The following DISP1 variants were observed in gnomAD, a reference collection of about 807,000 sequenced individuals.
The protein encoded by DISP1 is dispatched RND transporter family member 1, also known as protein dispatched homolog 1.
In DISP1, 30 loss-of-function variants were observed where a neutral mutation model predicts 37.3. That is an observed-to-expected ratio of 0.80 (90% CI 0.60 to 1.09). The LOEUF is 1.09. Ranked by LOEUF, DISP1 falls within the 50% of genes least tolerant of loss-of-function variation. The pLI, the probability that DISP1 is intolerant of heterozygous loss-of-function variation, is 0.00. For synonymous variants in DISP1, 634 were observed against 690.2 expected (o/e 0.92, Z 1.28); for missense variants, 1,598 against 1,879.5 (o/e 0.85, Z 2.77).
intron 1 of DISP1, among the ~76,000 whole-genome samples, chr1:222,836,267 TC>T (rs1667005578): frequency 6.6e-6 from 1 of 152,216 alleles, no homozygotes; most frequent in African/African-American, 2.4e-5. Context: ...GAAGGTTTCT[TC>T]CTGTAGCTTT....
chr1:222,825,129 C>T (rs1164897785), intron 1 of DISP1, among the ~76,000 whole-genome samples: 4 of 144,000 alleles, frequency 2.8e-5, no homozygotes. Context: ...CTCAAATAGT[C>T]TCTCCCCAGG....
chr1:222,899,421 A>G (rs962949412), intron 1 of DISP1, among the ~76,000 whole-genome samples: 1 of 152,244 alleles, frequency 6.6e-6, no homozygotes, highest in African/African-American at 2.4e-5. Flanking sequence ...AATTAAATAA[A>G]TGGTTGAGAG....
intron 1 of DISP1, among the ~76,000 whole-genome samples, chr1:222,879,741 A>C (rs1236328795): frequency 6.6e-6 from 1 of 152,144 alleles, no homozygotes; most frequent in Non-Finnish European, 1.5e-5. Context: ...TTAATGGGCA[A>C]AAAGGCAATT....
At position 223,005,861 on chromosome 1, in the gene DISP1, A is replaced by G; in HGVS notation, c.4464A>G (p.Arg1488=). 6.2e-7 allele frequency: 1 copy of G among 1,614,248 alleles called. No individual in the cohort carries two copies. The highest frequency in any genetic ancestry group is 1.1e-5 in the South Asian group (1 of 91,084). Residue 1488 remains arginine, a synonymous_variant, in exon 9 of 9, where the codon AGA becomes AGG. Transcript: ENST00000675850. ...NNSQSCGRIV[R]VKCNSVDCQM... Reference sequence around the variant, plus strand: ...CACAAAGTTGTGGCAGAATTGTGAGAGTGAAGTGCAATTCTGTGGACTGTC... The same window carrying G: ...CACAAAGTTGTGGCAGAATTGTGAGGGTGAAGTGCAATTCTGTGGACTGTC...
chr1:222,984,435 T>TATATATATATATATAG (rs67660273), intron 4 of DISP1, among the ~76,000 whole-genome samples: 3 of 108,368 alleles, frequency 2.8e-5, no homozygotes, highest in South Asian at 6.5e-4. Flanking sequence ...TATATATATA[T>TATATATATATATATAG]AGAGAGAGAG....
chr1:222,937,489 A>G (rs1572558593), intron 2 of DISP1, among the ~76,000 whole-genome samples: 1 of 152,322 alleles, frequency 6.6e-6, no homozygotes. Context: ...AAGGGTATTA[A>G]CACTCTCGTG....
chr1:222,963,485 AT>A (rs1198008253), intron 3 of DISP1, among the ~76,000 whole-genome samples: 2 of 152,208 alleles, frequency 1.3e-5, no homozygotes, highest in African/African-American at 4.8e-5. Context: ...TTGCAGCTCT[AT>A]TTACAATAGC....
At chr1:222,924,031 G>A (rs1006062181) in intron 1 of DISP1, among the ~76,000 whole-genome samples, 4 of 152,150 alleles carry the variant, frequency 2.6e-5, no homozygotes, top group Non-Finnish European at 4.4e-5. Context: ...AAAATTTTCT[G>A]TTGTAAAAAT....
intron 7 of DISP1, among the ~76,000 whole-genome samples, chr1:222,993,798 G>C (rs1007254235): frequency 6.6e-6 from 1 of 152,140 alleles, no homozygotes; most frequent in Non-Finnish European, 1.5e-5. Context: ...AGTAAATGCT[G>C]TCTCATAAGT....
At chr1:222,944,749 T>C (rs1316024527) in intron 3 of DISP1, among the ~76,000 whole-genome samples, 1 of 152,260 alleles carries the variant, frequency 6.6e-6, no homozygotes, top group African/African-American at 2.4e-5. Flanking sequence ...ATGCACTCTT[T>C]CGTGTTTGGC....
chr1:222,871,563 G>A (rs550380218), intron 1 of DISP1, among the ~76,000 whole-genome samples: 1 of 152,156 alleles, frequency 6.6e-6, no homozygotes, highest in Non-Finnish European at 1.5e-5. Flanking sequence ...ATTGTGAATG[G>A]GAATACACTC....
intron 1 of DISP1, among the ~76,000 whole-genome samples, chr1:222,843,565 G>C (rs868552135): frequency 2.6e-5 from 3 of 115,078 alleles, no homozygotes; most frequent in Admixed American, 7.8e-5. Flanking sequence ...ATGAAGGATG[G>C]GGGGGGGAAA....
At chr1:222,903,449 TAAAAA>T (rs199857131) in intron 1 of DISP1, among the ~76,000 whole-genome samples, 6 of 147,494 alleles carry the variant, frequency 4.1e-5, no homozygotes, top group Non-Finnish European at 7.5e-5. Context: ...AAAGTATAAT[TAAAAA>T]AAAAAGAAAT....
chr1:222,944,371 G>T (rs1161301767), intron 3 of DISP1, among the ~76,000 whole-genome samples: 1 of 152,072 alleles, frequency 6.6e-6, no homozygotes, highest in African/African-American at 2.4e-5. Flanking sequence ...TTCAGTATAG[G>T]TTAGCAATGG....
chr1:223,002,909 T>C lies in DISP1; in HGVS notation c.1512T>C (p.Thr504=). ...TTCAGGATTATCTTCTAATGGATAC[T>C]GTGTATCCTGCCATAGCCATTGTGA... ...SLFQDYLLMD[T]VYPAIAIVIV... is the part of the protein sequence containing the mutation. The change falls in exon 9 of 9, where the codon ACT becomes ACC. Residue 504 remains threonine, a synonymous_variant. Coordinates refer to ENST00000675850, the MANE Select transcript of DISP1 (RefSeq NM_001377229.1). The C allele has an allele frequency of 6.2e-7, 1 of 1,613,972 alleles. No homozygotes were observed. The highest frequency in any genetic ancestry group is 1.3e-5 in the African/African-American group (1 of 75,054).
chr1:222,889,839 G>A (rs1356733840), intron 1 of DISP1, among the ~76,000 whole-genome samples: 1 of 152,122 alleles, frequency 6.6e-6, no homozygotes, highest in African/African-American at 2.4e-5. Context: ...AACCAAGGAA[G>A]TAGTGAAGTT....
intron 1 of DISP1, among the ~76,000 whole-genome samples, chr1:222,881,383 C>A (rs894159077): frequency 6.6e-6 from 1 of 152,000 alleles, no homozygotes; most frequent in Non-Finnish European, 1.5e-5. Flanking sequence ...TTAGTAGAGA[C>A]GGAGTTTCTC....
chr1:222,979,063 C>A (rs1053105145), intron 3 of DISP1, among the ~76,000 whole-genome samples: 1 of 152,192 alleles, frequency 6.6e-6, no homozygotes, highest in East Asian at 1.9e-4. Context: ...TGAAGAAAGT[C>A]ATTGGTAGCT....
chr1:222,998,705 C>A (rs1010152940), intron 8 of DISP1, among the ~76,000 whole-genome samples: 8 of 152,090 alleles, frequency 5.3e-5, no homozygotes, highest in African/African-American at 1.9e-4. Context: ...CTGCTGGAAA[C>A]CATGTACTTG....
Sources: allele counts gnomAD v4.1 joint callset (sites outside exome capture counted in the v4.1 genomes callset), GRCh38; gene constraint gnomAD v4.1.1; transcripts MANE v1.5; gene names NCBI Gene and HGNC (gene_info 2026-07-23, HGNC 2026-07-21).